The following JARID2 variants were observed in gnomAD, a reference collection of about 807,000 sequenced individuals.
The protein encoded by JARID2 is jumonji and AT-rich interaction domain containing 2.
Under a neutral mutation model 125.6 loss-of-function variants are expected in JARID2, and 21 were observed. The ratio of observed to expected loss-of-function variants is 0.17; its 90% CI spans 0.12 to 0.24. The LOEUF (loss-of-function observed/expected upper bound fraction) is 0.24, where lower values mean the gene tolerates loss of function less well. JARID2 is among the 10% of genes least tolerant of loss of function. JARID2 has a pLI of 1.00. For missense variants in JARID2, 1,303 were observed against 1,639.6 expected, an observed-to-expected ratio of 0.79 and a Z score of 3.55; for synonymous variants, 736 against 661.6, an observed-to-expected ratio of 1.11 and a Z score of -1.73.
At chr6:15,505,562 C>CT (rs1450636294) in intron 9 of JARID2, among the ~76,000 whole-genome samples, 3 of 152,224 alleles carry the variant, frequency 2.0e-5, no homozygotes, top group African/African-American at 4.8e-5. Flanking sequence ...ATTGTCAGAG[C>CT]TTAGGATGTC....
chr6:15,323,224 T>C (rs1215686194), intron 1 of JARID2, among the ~76,000 whole-genome samples: 1 of 152,254 alleles, frequency 6.6e-6, no homozygotes, highest in Non-Finnish European at 1.5e-5. Context: ...AATGCATTTC[T>C]CCCTGATTGC....
At chr6:15,346,687 C>G (rs904406972) in intron 1 of JARID2, among the ~76,000 whole-genome samples, 14 of 151,188 alleles carry the variant, frequency 9.3e-5, no homozygotes, top group Non-Finnish European at 2.9e-5. Flanking sequence ...CGTCTGGATG[C>G]TTGTAGTGAC....
intron 1 of JARID2, among the ~76,000 whole-genome samples, chr6:15,341,137 T>C (rs1391400666): frequency 2.0e-5 from 3 of 152,230 alleles, no homozygotes; most frequent in Non-Finnish European, 4.4e-5. Flanking sequence ...ATAAAATTTT[T>C]TGATGGGTTC....
chr6:15,278,604 A>AAT (rs1760630062), intron 1 of JARID2, among the ~76,000 whole-genome samples: 1 of 152,104 alleles, frequency 6.6e-6, no homozygotes, highest in African/African-American at 2.4e-5. Context: ...AAAAATAAAA[A>AAT]AAGAAAGGTG....
At chr6:15,412,873 A>G (rs1765942568) in intron 3 of JARID2, among the ~76,000 whole-genome samples, 1 of 152,170 alleles carries the variant, frequency 6.6e-6, no homozygotes. Context: ...TGAAGATGAG[A>G]AGTTGAGCCT....
chr6:15,496,999 C>A lies in JARID2; in HGVS notation c.1774C>A (p.Pro592Thr). 6.2e-7 allele frequency: 1 copy of A among 1,614,038 alleles called. No individual in the cohort carries two copies. Among genetic ancestry groups the A allele is most frequent in the Non-Finnish European group, 8.5e-7 (1 of 1,179,968 alleles). Residue 592 changes from proline to threonine, a missense_variant, in exon 7 of 18, where the codon CCT becomes ACT. This residue lies in a region of JARID2 where 651 missense variants were observed against 581.6 expected (regional missense o/e 1.12). Coordinates refer to ENST00000341776, the MANE Select transcript of JARID2 (RefSeq NM_004973.4). The part of the protein sequence containing the change: ...EKFGMCRVIP[P>T]PDWRPECKLN... ...GTTCGGGATGTGCAGGGTGATCCCC[C>A]CTCCGGACTGGCGGCCCGAGTGCAA... is the stretch of plus-strand genomic sequence containing the variant.
chr6:15,504,973 C>G (rs1336157350), intron 9 of JARID2, among the ~76,000 whole-genome samples: 1 of 152,088 alleles, frequency 6.6e-6, no homozygotes, highest in Non-Finnish European at 1.5e-5. Context: ...TGTGCTTTTT[C>G]TTCTCTTCTA....
chr6:15,429,207 G>C (rs938979067), intron 3 of JARID2, among the ~76,000 whole-genome samples: 5 of 151,814 alleles, frequency 3.3e-5, no homozygotes, highest in African/African-American at 1.2e-4. Context: ...TTTTGAGTGT[G>C]TAAACAAATT....
chr6:15,411,653 G>A (rs1490193347), intron 3 of JARID2, among the ~76,000 whole-genome samples: 1 of 152,190 alleles, frequency 6.6e-6, no homozygotes, highest in Admixed American at 6.5e-5. Flanking sequence ...ATTATCACAA[G>A]AGAGTGATTT....
intron 3 of JARID2, among the ~76,000 whole-genome samples, chr6:15,412,249 T>G (rs992044106): frequency 1.1e-4 from 16 of 152,112 alleles, no homozygotes; most frequent in Non-Finnish European, 8.8e-5. Context: ...CACTCTTGAT[T>G]ATAGGAGGAA....
chr6:15,374,042 A>C (rs1764262950), intron 1 of JARID2, 75 bp from the exon 2 acceptor site: 1 of 1,554,416 alleles, frequency 6.4e-7, no homozygotes, highest in Non-Finnish European at 8.8e-7. Context: ...TTCCTTTAAA[A>C]TAAAGTTTAT....
chr6:15,299,884 G>C (rs967043942), intron 1 of JARID2, among the ~76,000 whole-genome samples: 1 of 152,072 alleles, frequency 6.6e-6, no homozygotes, highest in African/African-American at 2.4e-5. Context: ...ATCCTTTCTC[G>C]TACTTTACCC....
chr6:15,304,465 A>T (rs551636261), intron 1 of JARID2, among the ~76,000 whole-genome samples: 1 of 152,230 alleles, frequency 6.6e-6, no homozygotes, highest in Non-Finnish European at 1.5e-5. Flanking sequence ...CAAGTTGCAG[A>T]CACCAGAGAG....
intron 3 of JARID2, among the ~76,000 whole-genome samples, chr6:15,430,706 G>C (rs1766932034): frequency 6.6e-6 from 1 of 152,106 alleles, no homozygotes; most frequent in African/African-American, 2.4e-5. Context: ...CTTACCTGGG[G>C]GTTGTGGGAC....
At chr6:15,510,974 AT>A (rs1771249572) in intron 12 of JARID2, among the ~76,000 whole-genome samples, 1 of 152,088 alleles carries the variant, frequency 6.6e-6, no homozygotes, top group Admixed American at 6.5e-5. Context: ...TCTGGTTCTG[AT>A]TTCTAGGGGT....
At position 15,246,578 on chromosome 6, in the gene JARID2, G is replaced by A; in HGVS notation, c.39G>A (p.Lys13=). ...GACCCAAGAGGAATATCATTCAGAA[G>A]AAATACGTAAGTGCTCCTAACAACA... is the stretch of plus-strand genomic sequence containing the variant. The part of the protein sequence containing the change: ...KERPKRNIIQ[K]KYDDSDGIPW... The change falls in exon 1 of 18, where the codon AAG becomes AAA. Residue 13 remains lysine (K), a synonymous_variant. Transcript: ENST00000341776. 3 of 1,612,968 alleles carry A rather than the reference G, an allele frequency of 1.9e-6. No homozygotes were observed. The highest frequency in any genetic ancestry group is 1.7e-6 in the Non-Finnish European group (2 of 1,178,986).
chr6:15,252,787 C>G (rs1759507166), intron 1 of JARID2, among the ~76,000 whole-genome samples: 1 of 152,040 alleles, frequency 6.6e-6, no homozygotes, highest in Non-Finnish European at 1.5e-5. Flanking sequence ...TAACTGTACT[C>G]TTTATATCCT....
chr6:15,284,005 C>A (rs1254450335), intron 1 of JARID2, among the ~76,000 whole-genome samples: 2 of 152,152 alleles, frequency 1.3e-5, no homozygotes, highest in Non-Finnish European at 2.9e-5. Flanking sequence ...CTGCATCCAG[C>A]CTCCTTTAAG....
At chr6:15,374,508 A>G (rs552464593) in intron 2 of JARID2, among the ~76,000 whole-genome samples, 4 of 152,280 alleles carry the variant, frequency 2.6e-5, no homozygotes, top group South Asian at 2.1e-4. Flanking sequence ...TGGTTTTTCT[A>G]TATGTATGTC....
Sources: allele counts gnomAD v4.1 joint callset (sites outside exome capture counted in the v4.1 genomes callset), GRCh38; gene constraint gnomAD v4.1.1; regional missense constraint gnomAD v4.1.1; transcripts MANE v1.5; gene names NCBI Gene and HGNC (gene_info 2026-07-23, HGNC 2026-07-21).